The following FGR variants were observed in gnomAD, a reference collection of about 807,000 sequenced individuals.
FGR encodes the protein tyrosine-protein kinase Fgr.
A neutral mutation model predicts 63.2 loss-of-function variants in FGR; 26 were observed. That is an observed-to-expected ratio of 0.41 (90% CI 0.30 to 0.57). The LOEUF is 0.57. Among genes scored for constraint, FGR ranks in the 20% least tolerant of loss-of-function variants. The probability of loss-of-function intolerance (pLI) is 0.27; values close to 1 mark genes in which losing one functional copy is unlikely to be tolerated. For synonymous variants in FGR, 286 were observed against 277.7 expected, an observed-to-expected ratio of 1.03 and a Z score of -0.30; for missense variants, 511 against 690.8, an observed-to-expected ratio of 0.74 and a Z score of 2.92.
chr1:27,628,165 C>T (rs2090051284), intron 1 of FGR, among the ~76,000 whole-genome samples: 3 of 145,512 alleles, frequency 2.1e-5, no homozygotes, highest in Non-Finnish European at 4.5e-5. Flanking sequence ...CAGTGAAGCT[C>T]TGTCTCAAAA....
In FGR at chr1:27,612,096, C is replaced by T. The variant is rs1447253346; in HGVS notation, c.*818G>A. The T allele has an allele frequency of 6.6e-6, 1 of 152,202 alleles. No homozygotes were observed. The highest frequency in any genetic ancestry group is 1.5e-5 in the Non-Finnish European group (1 of 68,056). The allele number at this position is 152,202 out of a possible 1,614,324, so 9.4% of individuals were successfully genotyped here. The stretch of plus-strand genomic sequence containing the variant: ...CGAAGGGGACATTTTAATGTATCTT[C>T]AGCTGCTTGTCTTCTAAACTCACGT... On this transcript the variant is annotated 3_prime_UTR_variant, in exon 13 of 13. Coordinates refer to ENST00000374005, the MANE Select transcript of FGR (RefSeq NM_005248.3).
At chr1:27,624,009 T>TAC in intron 2 of FGR, 80 bp from the exon 3 acceptor site, 3 of 1,219,048 alleles carry the variant, frequency 2.5e-6, no homozygotes, top group Non-Finnish European at 3.4e-6. Flanking sequence ...CACATGCTCA[T>TAC]ACGCTCATAC....
chr1:27,616,799 C>T lies in FGR; in HGVS notation c.682+58G>A. 2 of 1,577,672 alleles carry T rather than the reference C, an allele frequency of 1.3e-6. No homozygotes were observed. Among genetic ancestry groups the T allele is most frequent in the Non-Finnish European group, 1.7e-6 (2 of 1,147,694 alleles). ...CCTTCCCTTCTCTGGGCCTCAGTTCCCCCATCTGGACAATGCTTCAGTTGG... is the reference window on the plus strand; with the variant it reads ...CCTTCCCTTCTCTGGGCCTCAGTTCTCCCATCTGGACAATGCTTCAGTTGG... On this transcript the variant is annotated intron_variant, in intron 7 of 12. Transcript: ENST00000374005. This position sits in a 1 kb window ranked among gnomAD's most constrained non-coding sequence, Gnocchi z 4.3.
chr1:27,625,427 T>G (rs963821836), intron 1 of FGR, among the ~76,000 whole-genome samples: 4 of 152,194 alleles, frequency 2.6e-5, no homozygotes, highest in Admixed American at 6.5e-5. Flanking sequence ...TGCATGAGTG[T>G]GCGTGCCAAC....
At chr1:27,618,829 A>T (rs2089864518) in intron 5 of FGR, among the ~76,000 whole-genome samples, 1 of 152,200 alleles carries the variant, frequency 6.6e-6, no homozygotes, top group Non-Finnish European at 1.5e-5. Context: ...ATTCTGCTGT[A>T]TCTTCTCGCC....
At chr1:27,622,220 C>T (rs930449913) in intron 4 of FGR, among the ~76,000 whole-genome samples, 11 of 133,950 alleles carry the variant, frequency 8.2e-5, no homozygotes, top group Admixed American at 8.5e-5. Context: ...ACCCAGGAGG[C>T]GGGGGTTACA....
chr1:27,617,608 T>G lies in FGR; in HGVS notation c.429-312A>C, dbSNP rs1034174468. Among the ~76,000 whole-genome samples the G allele has an allele frequency of 2.0e-5, 3 of 152,304 alleles. No homozygotes were observed. In the South Asian group the frequency reaches 6.2e-4, roughly 32 times the overall value. On this transcript the variant is annotated intron_variant, in intron 5 of 12. Transcript: ENST00000374005. This position sits in a 1 kb window ranked among gnomAD's most constrained non-coding sequence, Gnocchi z 4.5. Reference sequence around the variant, plus strand: ...ACTGTAGCCCTTCTGTGCACTCATTTTACAGATGAGGAAGTTGAGGCTCAG... The same window carrying G: ...ACTGTAGCCCTTCTGTGCACTCATTGTACAGATGAGGAAGTTGAGGCTCAG...
intron 4 of FGR, among the ~76,000 whole-genome samples, chr1:27,621,934 G>A (rs1228411701): frequency 6.6e-6 from 1 of 152,132 alleles, no homozygotes; most frequent in Non-Finnish European, 1.5e-5. Flanking sequence ...GAATTCAGAG[G>A]ACAGCTGACT....
In FGR at chr1:27,633,416, G is replaced by A. The variant is rs577501114; in HGVS notation, c.-77+1649C>T. On this transcript the variant is annotated intron_variant, in intron 1 of 12. Coordinates refer to ENST00000374005, the MANE Select transcript of FGR (RefSeq NM_005248.3). ...CCCGAGGGGCGGCCAACTGGATGCAGCACCAGAGAGGGTGTGAGACAGATT... is the reference window on the plus strand; with the variant it reads ...CCCGAGGGGCGGCCAACTGGATGCAACACCAGAGAGGGTGTGAGACAGATT... Among the ~76,000 whole-genome samples, 32 of 152,330 alleles carry A rather than the reference G, an allele frequency of 2.1e-4. No homozygotes were observed. In the South Asian group the frequency reaches 6.4e-3, roughly 31 times the overall value.
chr1:27,621,716 G>T, intron 4 of FGR, 59 bp from the exon 5 acceptor site: 1 of 1,189,750 alleles, frequency 8.4e-7, no homozygotes, highest in Non-Finnish European at 1.3e-6. Context: ...GCACCCTGAG[G>T]CCAGGTGGAG....
chr1:27,615,443 T>C lies in FGR; in HGVS notation c.1009A>G (p.Met337Val). ...EEPIYIVTEFMCHGSLLDFLK... is the reference protein window; with the variant it reads ...EEPIYIVTEFVCHGSLLDFLK... ...GGCTCCGCCTCCTGACCGTGACACA[T>C]GAACTCGGTCACGATGTAGATGGGC... is the stretch of plus-strand genomic sequence containing the variant. The change falls in exon 9 of 13, where the codon ATG becomes GTG. Residue 337 changes from methionine (M) to valine (V), a missense_variant. Transcript: ENST00000374005. This position sits in a 1 kb window ranked among gnomAD's most constrained non-coding sequence, Gnocchi z 7.6. 20 of 1,597,990 alleles carry C rather than the reference T, an allele frequency of 1.3e-5. No homozygotes were observed. Among genetic ancestry groups the C allele is most frequent in the Non-Finnish European group, 1.7e-5 (20 of 1,166,510 alleles).
In FGR at chr1:27,616,829, T is replaced by C. The variant is rs896875700; in HGVS notation, c.682+28A>G. Reference sequence around the variant, plus strand: ...TCTGGACAATGCTTCAGTTGGTTGGTTCAGGGATCTGAGGCCCCTGCCCTC... The same window carrying C: ...TCTGGACAATGCTTCAGTTGGTTGGCTCAGGGATCTGAGGCCCCTGCCCTC... On this transcript the variant is annotated intron_variant, in intron 7 of 12. Coordinates refer to ENST00000374005, the MANE Select transcript of FGR (RefSeq NM_005248.3). The surrounding 1 kb of genome is among the most constrained non-coding windows in gnomAD (Gnocchi z 4.3). 2.5e-6 allele frequency: 4 copies of C among 1,612,910 alleles called. No homozygotes were observed. The highest frequency in any genetic ancestry group is 2.2e-5 in the East Asian group (1 of 44,870).
In FGR at chr1:27,612,913, G is replaced by A. The variant is rs1417297051; in HGVS notation, c.*1C>T. The A allele has an allele frequency of 6.2e-7, 1 of 1,613,096 alleles. No homozygotes were observed. The highest frequency in any genetic ancestry group is 8.5e-7 in the Non-Finnish European group (1 of 1,179,624). Reference sequence around the variant, plus strand: ...CCAGAGAGGGTTGATGCCCGGACAGGCTATGTCTGATCCCCGGGCTGGTAC... The same window carrying A: ...CCAGAGAGGGTTGATGCCCGGACAGACTATGTCTGATCCCCGGGCTGGTAC... On this transcript the variant is annotated 3_prime_UTR_variant, in exon 13 of 13. Coordinates refer to ENST00000374005, the MANE Select transcript of FGR (RefSeq NM_005248.3).
rs987403407 is a variant in FGR, at chr1:27,613,244, G to C, written c.1356C>G (p.Ile452Met). ...WSFGILLTELITKGRIPYPGM... is the reference protein window; with the variant it reads ...WSFGILLTELMTKGRIPYPGM... ...CTGGGTAGGGGATTCGGCCCTTGGTGATGAGCTCAGTGAGCAGGATCCCAA... is the reference window on the plus strand; with the variant it reads ...CTGGGTAGGGGATTCGGCCCTTGGTCATGAGCTCAGTGAGCAGGATCCCAA... Residue 452 changes from isoleucine to methionine, a missense_variant, in exon 12 of 13, where the codon ATC becomes ATG. By Grantham distance (10) the Ile-to-Met change is conservative. Transcript: ENST00000374005. The C allele has an allele frequency of 8.1e-6, 13 of 1,614,072 alleles. No individual in the cohort carries two copies. The highest frequency in any genetic ancestry group is 1.1e-5 in the Non-Finnish European group (13 of 1,180,006).
rs918243332 is a variant in FGR at position 27,617,309 on chromosome 1, G to A, written c.429-13C>T. The A allele has an allele frequency of 1.9e-6, 3 of 1,596,934 alleles. No individual in the cohort carries two copies. Among genetic ancestry groups the A allele is most frequent in the Non-Finnish European group, 1.7e-6 (2 of 1,164,658 alleles). On this transcript the variant is annotated splice_polypyrimidine_tract_variant and intron_variant, in intron 5 of 12. Transcript: ENST00000374005. This position sits in a 1 kb window ranked among gnomAD's most constrained non-coding sequence, Gnocchi z 4.5. ...TCCAAAGTACCACCTGTTGGGAAAG[G>A]CAGGCAAGAGTCAGGTACGCTCTGC...
intron 1 of FGR, among the ~76,000 whole-genome samples, chr1:27,628,111 A>G (rs2090049837): frequency 6.6e-6 from 1 of 150,726 alleles, no homozygotes; most frequent in African/African-American, 2.4e-5. Context: ...AAAATTGGCC[A>G]GGCACGGTGG....
chr1:27,623,377 C>G, intron 3 of FGR: 2 of 597,836 alleles, frequency 3.3e-6, no homozygotes, highest in Non-Finnish European at 3.0e-6. Flanking sequence ...GCCCACTCCT[C>G]CTCTTCCCCA....
chr1:27,621,314 A>G (rs1373693111), intron 5 of FGR, among the ~76,000 whole-genome samples: 1 of 152,226 alleles, frequency 6.6e-6, no homozygotes, highest in Non-Finnish European at 1.5e-5. Flanking sequence ...ATAGGATAGT[A>G]GTAATTTCTA....
intron 4 of FGR, among the ~76,000 whole-genome samples, chr1:27,622,388 A>G (rs1199529655): frequency 6.6e-6 from 1 of 151,836 alleles, no homozygotes; most frequent in Non-Finnish European, 1.5e-5. Flanking sequence ...TGAACCACCT[A>G]AGGTGAACCA....
Sources: allele counts gnomAD v4.1 joint callset (sites outside exome capture counted in the v4.1 genomes callset), GRCh38; gene constraint gnomAD v4.1.1; non-coding constraint Gnocchi (gnomAD v3.1); transcripts MANE v1.5; gene names NCBI Gene and HGNC (gene_info 2026-07-23, HGNC 2026-07-21).